Variants in LINGO1 observed in about 807,000 individuals in gnomAD.
LINGO1 encodes leucine-rich repeat and immunoglobulin-like domain-containing nogo receptor-interacting protein 1.
Under a neutral mutation model 37.3 loss-of-function variants are expected in LINGO1, and 11 were observed. The ratio of observed to expected loss-of-function variants is 0.29; its 90% CI spans 0.19 to 0.49. The LOEUF (loss-of-function observed/expected upper bound fraction) is 0.49, where lower values mean the gene tolerates loss of function less well. LINGO1 is among the 20% of genes least tolerant of loss of function. LINGO1 has a pLI of 0.99. For synonymous variants in LINGO1, 387 were observed against 403.0 expected (o/e 0.96, Z 0.48); for missense variants, 585 against 878.2 (o/e 0.67, Z 4.22).
intron 3 of LINGO1, among the ~76,000 whole-genome samples, chr15:77,663,800 G>C (rs947895262): frequency 6.6e-6 from 1 of 152,214 alleles, no homozygotes; most frequent in Admixed American, 6.5e-5. Context: ...GGGATGGGGA[G>C]AGCCTCTGTC....
intron 3 of LINGO1, among the ~76,000 whole-genome samples, chr15:77,641,055 C>T (rs1370192744): frequency 6.6e-6 from 1 of 152,166 alleles, no homozygotes; most frequent in East Asian, 1.9e-4. Context: ...TGGGATCAGT[C>T]AGGTACACGG....
chr15:77,656,963 C>A (rs2074879304), intron 3 of LINGO1, among the ~76,000 whole-genome samples: 1 of 152,190 alleles, frequency 6.6e-6, no homozygotes, highest in African/African-American at 2.4e-5. Flanking sequence ...AAGGCTTGAG[C>A]CCTCGCTTTG....
At chr15:77,655,273 C>T (rs56284826) in intron 3 of LINGO1, among the ~76,000 whole-genome samples, 4,374 of 152,288 alleles carry the variant, frequency 0.029, 146 homozygotes, top group African/African-American at 0.085. Context: ...AGAGATTCCA[C>T]GGGGCCAGTT....
At chr15:77,738,759 GGAAGGAAGGAAGGAAGGAA>G (rs2076228087) in intron 1 of LINGO1, among the ~76,000 whole-genome samples, 2 of 139,208 alleles carry the variant, frequency 1.4e-5, no homozygotes, top group Non-Finnish European at 3.1e-5. Context: ...AAGGAAGGAA[GGAAGGAAGGAAGGAAGGAA>G]GGAAGGAAGG....
intron 2 of LINGO1, among the ~76,000 whole-genome samples, chr15:77,709,380 C>G (rs1395558392): frequency 2.0e-5 from 3 of 152,178 alleles, no homozygotes; most frequent in African/African-American, 7.2e-5. Context: ...TGCAGGGAGC[C>G]ATACAGACAG....
At chr15:77,748,161 G>GGAC (rs2076333737) in intron 1 of LINGO1, among the ~76,000 whole-genome samples, 1 of 152,208 alleles carries the variant, frequency 6.6e-6, no homozygotes. Flanking sequence ...GCCCCAGCGG[G>GGAC]TGTGAACACC....
At position 77,719,461 on chromosome 15, in the gene LINGO1, C is replaced by T. The variant is rs2076023295; in HGVS notation, c.-195+15531G>A. The stretch of plus-strand genomic sequence containing the variant: ...ATCAGAGCCACACAGTGCCACGAAA[C>T]CCAAACGCCTCCCAGGTCAGGCTGG... On this transcript the variant is annotated intron_variant, in intron 2 of 3. Coordinates refer to the LINGO1 transcript ENST00000561686. Among the ~76,000 whole-genome samples, 7 of 150,090 alleles carry T rather than the reference C, an allele frequency of 4.7e-5. No individual in the cohort carries two copies. In the South Asian group the frequency reaches 1.5e-3, roughly 32 times the overall value.
intron 3 of LINGO1, among the ~76,000 whole-genome samples, chr15:77,642,347 C>T (rs1319313500): frequency 2.0e-5 from 3 of 152,194 alleles, no homozygotes; most frequent in African/African-American, 4.8e-5. Context: ...GCAGGCCTCT[C>T]GAGTCAGAGC....
At chr15:77,682,277 A>AGTGTGTGTGTGTGT (rs10581838) in intron 2 of LINGO1, among the ~76,000 whole-genome samples, 3,949 of 139,796 alleles carry the variant, frequency 0.028, 102 homozygotes, top group Middle Eastern at 0.061. Context: ...TAGAGATTAA[A>AGTGTGTGTGTGTGT]GTGTGTGTGT....
upstream of LINGO1, among the ~76,000 whole-genome samples, chr15:77,636,945 G>A (rs376990801): frequency 2.6e-5 from 4 of 152,236 alleles, no homozygotes; most frequent in African/African-American, 9.6e-5. Context: ...ACCTGAGGGG[G>A]CTAGCGGGAC....
intron 1 of LINGO1, among the ~76,000 whole-genome samples, chr15:77,781,669 G>A (rs948988486): frequency 1.5e-4 from 23 of 152,172 alleles, no homozygotes; most frequent in Non-Finnish European, 2.9e-4. Context: ...GTGTTCACAT[G>A]GAGATGGCAG....
At chr15:77,690,917 A>C in intron 1 of LINGO1, 1 of 152,360 alleles carries the variant, frequency 6.6e-6, no homozygotes, top group East Asian at 1.9e-4. Flanking sequence ...AAGGAAGAGA[A>C]GCAAGAGTGA....
chr15:77,747,652 G>A (rs1380270337), intron 1 of LINGO1, among the ~76,000 whole-genome samples: 1 of 152,196 alleles, frequency 6.6e-6, no homozygotes, highest in Non-Finnish European at 1.5e-5. Flanking sequence ...GTGAGCCCTG[G>A]GGGAGGGGAG....
In LINGO1 at chr15:77,613,871, G is replaced by A; in HGVS notation, c.*173C>T. 3.2e-6 allele frequency: 2 copies of A among 628,242 alleles called. No individual in the cohort carries two copies. The highest frequency in any genetic ancestry group is 5.5e-6 in the Non-Finnish European group (2 of 363,998). 38.9% of individuals were successfully genotyped at this position (628,242 alleles called of 1,614,324 possible). ...TGGGCTTCTGAGGTCCTGGTAGAAG[G>A]AGGGCAGGTGGTGAGGGCTGGCGGG... On this transcript the variant is annotated 3_prime_UTR_variant, in exon 2 of 2. Transcript: ENST00000355300.
rs78366204 is a variant in LINGO1 at position 77,681,120 on chromosome 15, C to A, written c.-98-3946G>T. 8.3e-3 allele frequency among the ~76,000 whole-genome samples: 1,265 copies of A among 152,176 alleles called. 9 individuals are homozygous for A. The highest frequency in any genetic ancestry group is 0.017 in the South Asian group (81 of 4,814). On this transcript the variant is annotated intron_variant, in intron 2 of 3. Coordinates refer to the LINGO1 transcript ENST00000559893. ...CAGTGCAACCAAAAACAAAGTCATACCGGAAACCAGCAGTCTCTGCTCCAT... is the reference window on the plus strand; with the variant it reads ...CAGTGCAACCAAAAACAAAGTCATAACGGAAACCAGCAGTCTCTGCTCCAT...
At chr15:77,775,415 G>A (rs778635970) in intron 1 of LINGO1, among the ~76,000 whole-genome samples, 9 of 152,148 alleles carry the variant, frequency 5.9e-5, no homozygotes, top group South Asian at 2.1e-4. Context: ...TGCAGGTCCC[G>A]GTCTCTCCTG....
upstream of LINGO1, among the ~76,000 whole-genome samples, chr15:77,636,144 C>T (rs1476697997): frequency 6.6e-6 from 1 of 152,228 alleles, no homozygotes; most frequent in Non-Finnish European, 1.5e-5. Flanking sequence ...CGAGTTAGAG[C>T]TGGGCTTTGA....
At chr15:77,667,092 G>A (rs1224791858) in intron 3 of LINGO1, 1 of 152,430 alleles carries the variant, frequency 6.6e-6, no homozygotes, top group Non-Finnish European at 1.5e-5. Flanking sequence ...GATGGGTAAG[G>A]AGGGTCTGGG....
intron 3 of LINGO1, among the ~76,000 whole-genome samples, chr15:77,661,528 A>G (rs1184729371): frequency 1.3e-5 from 2 of 152,216 alleles, no homozygotes; most frequent in Non-Finnish European, 2.9e-5. Context: ...GTGCCTTGCC[A>G]GTTCATTTGA....
Sources: gnomAD v4.1 joint callset for allele counts (sites outside exome capture counted in the v4.1 genomes callset) on GRCh38, gnomAD v4.1.1 for gene constraint, MANE v1.5 for transcripts, NCBI Gene and HGNC (gene_info 2026-07-23, HGNC 2026-07-21) for gene names.